ASNSD1: variants seen among roughly 807,000 people sequenced by gnomAD.
The protein encoded by ASNSD1 is asparagine synthetase domain-containing protein 1.
Under a neutral mutation model 48.3 loss-of-function variants are expected in ASNSD1, and 36 were observed. The ratio of observed to expected loss-of-function variants is 0.75; its 90% CI spans 0.57 to 0.99. The LOEUF (loss-of-function observed/expected upper bound fraction) is 0.99. Ranked by LOEUF, ASNSD1 falls within the 50% of genes least tolerant of loss-of-function variation. The pLI, the probability that ASNSD1 is intolerant of heterozygous loss-of-function variation, is 0.00. For missense variants in ASNSD1, 714 were observed against 758.2 expected, an observed-to-expected ratio of 0.94 and a Z score of 0.69; for synonymous variants, 257 against 262.1, an observed-to-expected ratio of 0.98 and a Z score of 0.19.
chr2:189,667,539 A>G lies in ASNSD1; in HGVS notation c.1407A>G (p.Arg469=). 1 of 1,614,050 alleles carries G rather than the reference A, an allele frequency of 6.2e-7. No individual in the cohort carries two copies. Among genetic ancestry groups the G allele is most frequent in the South Asian group, 1.1e-5 (1 of 91,072 alleles). ...SIGCAVWFAS[R]GIGWLVAQEG... is the part of the protein sequence containing the mutation. ...GCTGTGCAGTCTGGTTTGCTTCTAGAGGAATTGGTTGGTTAGTGGCCCAGG... is the reference window on the plus strand; with the variant it reads ...GCTGTGCAGTCTGGTTTGCTTCTAGGGGAATTGGTTGGTTAGTGGCCCAGG... The change falls in exon 4 of 6, where the codon AGA becomes AGG. Residue 469 remains arginine, a synonymous_variant. Transcript: ENST00000260952.
intron 1 of ASNSD1, among the ~76,000 whole-genome samples, chr2:189,663,389 G>GAGGATAT (rs2032715455): frequency 6.6e-6 from 1 of 152,052 alleles, no homozygotes; most frequent in Non-Finnish European, 1.5e-5. Context: ...GAATAGCTGG[G>GAGGATAT]ATTACAGGCA....
At chr2:189,665,843 C>T (rs532594805) in intron 3 of ASNSD1, among the ~76,000 whole-genome samples, 198 bp from the exon 4 acceptor site, 4 of 151,582 alleles carry the variant, frequency 2.6e-5, no homozygotes, top group Non-Finnish European at 5.9e-5. Context: ...AATCAGCACT[C>T]GGCAAAACAG....
Position 189,670,726 on chromosome 2 carries a change from A to G in ASNSD1, c.1932A>G (p.Ter644=). 1 of 1,564,340 alleles carries G rather than the reference A, an allele frequency of 6.4e-7. No individual in the cohort carries two copies. Among genetic ancestry groups the G allele is most frequent in the Non-Finnish European group, 8.6e-7 (1 of 1,156,946 alleles). The change falls in exon 6 of 6, where the codon TAA becomes TAG. Residue 644 remains the stop codon, a stop_retained_variant. Transcript: ENST00000260952. ...NLSIEKETKL[*] ...CTATTGAAAAGGAGACTAAATTGTAATGTGATTCACAATGTAACAATATAA... is the reference window on the plus strand; with the variant it reads ...CTATTGAAAAGGAGACTAAATTGTAGTGTGATTCACAATGTAACAATATAA...
In ASNSD1 at chr2:189,667,128, C is replaced by T; in HGVS notation, c.996C>T (p.Ser332=). 6.2e-7 allele frequency: 1 copy of T among 1,614,172 alleles called. No individual in the cohort carries two copies. The highest frequency in any genetic ancestry group is 8.5e-7 in the Non-Finnish European group (1 of 1,180,026). Residue 332 remains serine (S), a synonymous_variant, in exon 4 of 6, where the codon TCC becomes TCT. Coordinates refer to ENST00000260952, the MANE Select transcript of ASNSD1 (RefSeq NM_019048.4). ...TCCTGTTTTCTGGGGGCATTGATTCCATGGTTATTGCAACCCTTGCTGACC... is the reference window on the plus strand; with the variant it reads ...TCCTGTTTTCTGGGGGCATTGATTCTATGGTTATTGCAACCCTTGCTGACC... ...VAILFSGGID[S]MVIATLADRH...
intron 5 of ASNSD1, among the ~76,000 whole-genome samples, chr2:189,668,674 G>A (rs924518311): frequency 6.6e-6 from 1 of 152,226 alleles, no homozygotes; most frequent in African/African-American, 2.4e-5. Flanking sequence ...AGACATTTCT[G>A]TATGTACAGA....
chr2:189,663,372 G>C (rs1190247385), intron 1 of ASNSD1, among the ~76,000 whole-genome samples: 4 of 152,080 alleles, frequency 2.6e-5, no homozygotes, highest in Non-Finnish European at 4.4e-5. Context: ...TCCTGCCTCA[G>C]CCTCCCGAAT....
intron 1 of ASNSD1, among the ~76,000 whole-genome samples, chr2:189,661,958 C>T (rs4643578): frequency 0.11 from 16,556 of 152,138 alleles, 1,389 homozygotes; most frequent in African/African-American, 0.23. Context: ...ACCATGCCAG[C>T]AACCCGGGGT....
chr2:189,667,151 A>G lies in ASNSD1; in HGVS notation c.1019A>G (p.Asp340Gly), dbSNP rs1244042284. The change falls in exon 4 of 6, where the codon GAC (aspartate) becomes GGC (glycine). Residue 340 changes from aspartate to glycine, a missense_variant. Physicochemically the swap from Asp to Gly is moderately conservative, Grantham distance 94 (BLOSUM62 -1). Transcript: ENST00000260952. ...TCCATGGTTATTGCAACCCTTGCTG[A>G]CCGTCATATTCCTTTAGATGAACCA... Reference protein sequence around the residue: ...IDSMVIATLADRHIPLDEPID... With the variant: ...IDSMVIATLAGRHIPLDEPID... 2 of 1,614,210 alleles carry G rather than the reference A, an allele frequency of 1.2e-6. No homozygotes were observed.
intron 5 of ASNSD1, among the ~76,000 whole-genome samples, chr2:189,668,306 G>A (rs560973251): frequency 5.3e-5 from 8 of 152,082 alleles, no homozygotes; most frequent in African/African-American, 1.9e-4. Flanking sequence ...CCTGAGGACA[G>A]GAGTTCAAGA....
Position 189,667,903 on chromosome 2 carries a change from G to C in ASNSD1, c.1604G>C (p.Gly535Ala). The C allele has an allele frequency of 6.2e-7, 1 of 1,613,906 alleles. No individual in the cohort carries two copies. ...ELGRISSRNL[G>A]RDDRVIGDHG... ...GGTCGAATTTCTTCTAGAAATCTTG[G>C]TCGTGATGACAGAGTTATTGGTGAT... Residue 535 changes from glycine (G) to alanine (A), a missense_variant, in exon 5 of 6, where the codon GGT (glycine) becomes GCT (alanine). Gly to Ala is a moderately conservative substitution (Grantham distance 60). Transcript: ENST00000260952.
Position 189,666,301 on chromosome 2 carries a change from AG to A in ASNSD1, c.173del (p.Gly58ValfsTer3). 4 of 1,614,058 alleles carry A rather than the reference AG, an allele frequency of 2.5e-6. No individual in the cohort carries two copies. In the African/African-American group the frequency reaches 5.3e-5, roughly 22 times the overall value. On this transcript the variant is annotated frameshift_variant, in exon 4 of 6. Transcript: ENST00000260952. LOFTEE classifies it high-confidence loss of function. The part of the protein sequence containing the change: ...CLFSAHVLHL[R>X]GVLTTQPVED... ...ATTTTCTGCTCACGTCCTACACTTG[AG>A]GGGTGTTTTGACTACCCAGCCTGTG...
At chr2:189,668,223 T>C (rs2032855225) in intron 5 of ASNSD1, among the ~76,000 whole-genome samples, 2 of 152,164 alleles carry the variant, frequency 1.3e-5, no homozygotes, top group Admixed American at 6.5e-5. Context: ...TGAAAAATAC[T>C]GTCAAAGTAG....
chr2:189,661,660 A>T (rs1008529313), intron 1 of ASNSD1, 50 bp downstream of exon 1: 34 of 399,144 alleles, frequency 8.5e-5, no homozygotes, highest in Non-Finnish European at 1.5e-4. Flanking sequence ...ACCGGGCGCC[A>T]CTGGACCCTG....
rs774350824 is a variant in ASNSD1, at chr2:189,667,348, C to T, written c.1216C>T (p.Arg406Ter). 5.6e-6 allele frequency: 9 copies of T among 1,613,956 alleles called. No homozygotes were observed. Among genetic ancestry groups the T allele is most frequent in the East Asian group, 2.2e-5 (1 of 44,894 alleles). Reference protein sequence around the residue: ...SPNKHVSVPDRITGRAGLKEL... With the variant: ...SPNKHVSVPD ...TAATAAACATGTCAGTGTACCAGAT[C>T]GAATCACAGGAAGGGCGGGACTAAA... Residue 406 changes from arginine to a stop codon, truncating the protein, a stop_gained, in exon 4 of 6, where the codon CGA (arginine) becomes TGA (stop). Transcript: ENST00000260952. LOFTEE classifies it high-confidence loss of function.
Position 189,670,556 on chromosome 2 carries a change from G to T in ASNSD1, c.1762G>T (p.Ala588Ser), listed in dbSNP as rs1232065833. 6.2e-7 allele frequency: 1 copy of T among 1,614,106 alleles called. No individual in the cohort carries two copies. Among genetic ancestry groups the T allele is most frequent in the East Asian group, 2.2e-5 (1 of 44,866 alleles). Residue 588 changes from alanine to serine, a missense_variant, in exon 6 of 6, where the codon GCT (alanine) becomes TCT (serine). Ala to Ser is a moderately conservative substitution (Grantham distance 99). Coordinates refer to ENST00000260952, the MANE Select transcript of ASNSD1 (RefSeq NM_019048.4). Reference protein sequence around the residue: ...IGEKLLLRLAAVELGLTASAL... With the variant: ...IGEKLLLRLASVELGLTASAL... ...TGAAAAATTACTTTTACGCCTTGCAGCTGTGGAACTTGGTCTTACAGCCTC... is the reference window on the plus strand; with the variant it reads ...TGAAAAATTACTTTTACGCCTTGCATCTGTGGAACTTGGTCTTACAGCCTC...
At chr2:189,662,676 T>C (rs1253857223) in intron 1 of ASNSD1, among the ~76,000 whole-genome samples, 3 of 152,114 alleles carry the variant, frequency 2.0e-5, no homozygotes, top group Admixed American at 1.3e-4. Context: ...AGCACAAATA[T>C]GATAAAAGCT....
chr2:189,669,957 A>G (rs964111530), intron 5 of ASNSD1, among the ~76,000 whole-genome samples: 2 of 152,200 alleles, frequency 1.3e-5, no homozygotes, highest in African/African-American at 2.4e-5. Flanking sequence ...CCATATCCCT[A>G]AAGTGTCATT....
intron 1 of ASNSD1, among the ~76,000 whole-genome samples, chr2:189,662,442 A>C (rs2032689404): frequency 6.6e-6 from 1 of 152,194 alleles, no homozygotes; most frequent in African/African-American, 2.4e-5. Flanking sequence ...CATTCCTAAA[A>C]TGGGAAAGCC....
Position 189,669,888 on chromosome 2 carries a change from C to T in ASNSD1, c.1647-553C>T, listed in dbSNP as rs538844006. On this transcript the variant is annotated intron_variant, in intron 5 of 5. Coordinates refer to ENST00000260952, the MANE Select transcript of ASNSD1 (RefSeq NM_019048.4). Reference sequence around the variant, plus strand: ...AGTATAATTAAACAATTTTGAGTAACAAAATTTTACCATAAGTGTTTTGCA... The same window carrying T: ...AGTATAATTAAACAATTTTGAGTAATAAAATTTTACCATAAGTGTTTTGCA... 2.6e-5 allele frequency among the ~76,000 whole-genome samples: 4 copies of T among 152,114 alleles called. No homozygotes were observed. The East Asian group carries it at 7.7e-4, about 29-fold the overall frequency.
Sources: gnomAD v4.1 joint callset for allele counts (sites outside exome capture counted in the v4.1 genomes callset) on GRCh38, gnomAD v4.1.1 for gene constraint, MANE v1.5 for transcripts, NCBI Gene and HGNC (gene_info 2026-07-23, HGNC 2026-07-21) for gene names.